Variants in ITCH observed in about 807,000 individuals in gnomAD.
ITCH encodes the protein itchy E3 ubiquitin protein ligase.
In ITCH, 28 loss-of-function variants were observed where a neutral mutation model predicts 126.8. The ratio of observed to expected loss-of-function variants is 0.22; its 90% CI spans 0.16 to 0.30. The LOEUF (loss-of-function observed/expected upper bound fraction) is 0.30, where lower values mean the gene tolerates loss of function less well. ITCH is among the 10% of genes least tolerant of loss of function. The pLI, the probability that ITCH is intolerant of heterozygous loss-of-function variation, is 1.00. For missense variants in ITCH, 631 were observed against 1,032.4 expected, an observed-to-expected ratio of 0.61 and a Z score of 5.33; for synonymous variants, 342 against 340.0, an observed-to-expected ratio of 1.01 and a Z score of -0.06.
rs114022126 is a variant in ITCH at position 34,401,044 on chromosome 20, C to T, written c.70+7163C>T. ...AAAGTTCTCGAATTACAGGCGTGAGCCATTGTTCCCAGCCAATTTTTAAAT... is the reference window on the plus strand; with the variant it reads ...AAAGTTCTCGAATTACAGGCGTGAGTCATTGTTCCCAGCCAATTTTTAAAT... On this transcript the variant is annotated intron_variant, in intron 3 of 24. Transcript: ENST00000374864. 5.9e-3 allele frequency among the ~76,000 whole-genome samples: 902 copies of T among 152,286 alleles called. 3 individuals carry two copies. Among genetic ancestry groups the T allele is most frequent in the African/African-American group, 0.02 (841 of 41,556 alleles).
intron 2 of ITCH, among the ~76,000 whole-genome samples, chr20:34,386,180 C>T (rs2038278831): frequency 1.3e-5 from 2 of 151,722 alleles, no homozygotes; most frequent in Admixed American, 1.3e-4. Flanking sequence ...GATCTCAGCT[C>T]ATGGCAGTCT....
intron 19 of ITCH, 104 bp from the exon 20 acceptor site, chr20:34,480,962 T>C: frequency 1.7e-6 from 2 of 1,209,048 alleles, no homozygotes; most frequent in Non-Finnish European, 2.4e-6. Flanking sequence ...TTTGATGTTA[T>C]AGCTTAATAT....
At chr20:34,420,117 A>G (rs528723019) in intron 6 of ITCH, among the ~76,000 whole-genome samples, 41 of 152,346 alleles carry the variant, frequency 2.7e-4, no homozygotes, top group African/African-American at 9.4e-4. Flanking sequence ...AATTTACATA[A>G]CATACAATTA....
chr20:34,402,562 G>A, intron 3 of ITCH: 1 of 721,394 alleles, frequency 1.4e-6, no homozygotes, highest in Non-Finnish European at 2.6e-6. Context: ...AAGTCCAAGA[G>A]TATATGGTTC....
chr20:34,476,282 C>T (rs566598811), intron 16 of ITCH: 6 of 869,806 alleles, frequency 6.9e-6, no homozygotes, highest in Admixed American at 6.8e-5. Flanking sequence ...GTCACTTTAT[C>T]TTCTGAGCTG....
intron 2 of ITCH, among the ~76,000 whole-genome samples, chr20:34,371,623 G>A (rs1439063161): frequency 1.3e-5 from 2 of 151,622 alleles, no homozygotes; most frequent in Non-Finnish European, 2.9e-5. Flanking sequence ...AGGAGATGGT[G>A]GAATGATTTG....
chr20:34,385,932 G>A (rs954650834), intron 2 of ITCH, among the ~76,000 whole-genome samples: 1 of 152,096 alleles, frequency 6.6e-6, no homozygotes, highest in Non-Finnish European at 1.5e-5. Flanking sequence ...AAATGGGAAA[G>A]CAACCGCCTT....
intron 3 of ITCH, chr20:34,402,189 T>A: frequency 7.1e-7 from 1 of 1,404,478 alleles, no homozygotes; most frequent in South Asian, 1.2e-5. Context: ...TTCTGGAGGT[T>A]CCAGGGCAGC....
intron 15 of ITCH, among the ~76,000 whole-genome samples, chr20:34,470,546 G>T (rs1987523074): frequency 6.6e-6 from 1 of 151,984 alleles, no homozygotes; most frequent in Non-Finnish European, 1.5e-5. Context: ...ATCTTCAAAT[G>T]TAAGTAAAAG....
At position 34,471,525 on chromosome 20, in the gene ITCH, C is replaced by G. The variant is rs760993148; in HGVS notation, c.1569+10C>G. 3 of 1,535,688 alleles carry G rather than the reference C, an allele frequency of 2.0e-6. No individual in the cohort carries two copies. The highest frequency in any genetic ancestry group is 1.1e-5 in the South Asian group (1 of 89,420). ...GGATTCCTTTCAACAGGTACTGTTT[C>G]ATTCTCTCAATAATTTCCCCCCTGG... On this transcript the variant is annotated intron_variant, in intron 16 of 24. Transcript: ENST00000374864.
At chr20:34,476,208 C>T (rs780329438) in intron 16 of ITCH, 12 of 800,454 alleles carry the variant, frequency 1.5e-5, no homozygotes, top group Non-Finnish European at 2.7e-5. Context: ...CAACGTCTAG[C>T]AGAGAATCAC....
intron 1 of ITCH, among the ~76,000 whole-genome samples, chr20:34,364,133 A>G (rs1307054935): frequency 6.6e-6 from 1 of 152,208 alleles, no homozygotes; most frequent in Non-Finnish European, 1.5e-5. Flanking sequence ...CAGAAAAGAG[A>G]ATCGCAGAAT....
chr20:34,390,443 CTTTTTTTTTT>C (rs546555130), intron 2 of ITCH, among the ~76,000 whole-genome samples: 1,008 of 90,822 alleles, frequency 0.011, 22 homozygotes, highest in African/African-American at 0.037. Context: ...CAAGAATAAT[CTTTTTTTTTT>C]TTTTTTTTTT....
intron 6 of ITCH, among the ~76,000 whole-genome samples, chr20:34,414,777 G>C (rs545477462): frequency 7.9e-5 from 12 of 152,206 alleles, no homozygotes; most frequent in African/African-American, 2.9e-4. Context: ...ACTGCATCCG[G>C]CCTCTAAATC....
rs779017298 is a variant in ITCH at position 34,372,384 on chromosome 20, CTT to C, written c.-22+2927_-22+2928del. The stretch of plus-strand genomic sequence containing the variant: ...AGAAACCATGTTATTTTAAGTTCTA[CTT>C]TTTTTTTTTTTTGAGAGGGAATCTA... On this transcript the variant is annotated intron_variant, in intron 2 of 24. Transcript: ENST00000374864. Among the ~76,000 whole-genome samples, 16 of 93,148 alleles carry C rather than the reference CTT, an allele frequency of 1.7e-4. 2 individuals are homozygous for C. The highest frequency in any genetic ancestry group is 2.8e-4 in the African/African-American group (6 of 21,498). The allele number at this position is 93,148 out of a possible 152,430, so 61.1% of individuals were successfully genotyped here.
At chr20:34,406,148 C>G (rs899798089) in intron 3 of ITCH, among the ~76,000 whole-genome samples, 2 of 151,702 alleles carry the variant, frequency 1.3e-5, no homozygotes, top group Non-Finnish European at 2.9e-5. Context: ...CAGCCTCCCC[C>G]CAGCAGCTGG....
chr20:34,458,493 A>G (rs1986228115), intron 13 of ITCH, among the ~76,000 whole-genome samples: 1 of 152,196 alleles, frequency 6.6e-6, no homozygotes, highest in Non-Finnish European at 1.5e-5. Context: ...TCTTTGTAAC[A>G]TGTTATAATA....
intron 2 of ITCH, among the ~76,000 whole-genome samples, chr20:34,371,764 T>C (rs1319876118): frequency 2.0e-5 from 3 of 152,200 alleles, no homozygotes; most frequent in Non-Finnish European, 2.9e-5. Context: ...GGAAAGGTAT[T>C]TGAGCCAACA....
At chr20:34,386,182 T>G (rs573871887) in intron 2 of ITCH, among the ~76,000 whole-genome samples, 2 of 152,112 alleles carry the variant, frequency 1.3e-5, no homozygotes, top group East Asian at 3.9e-4. Context: ...TCTCAGCTCA[T>G]GGCAGTCTCT....
Sources: allele counts gnomAD v4.1 joint callset (sites outside exome capture counted in the v4.1 genomes callset), GRCh38; gene constraint gnomAD v4.1.1; transcripts MANE v1.5; gene names NCBI Gene and HGNC (gene_info 2026-07-23, HGNC 2026-07-21).